Variants in PIEZO2 observed in about 807,000 individuals in gnomAD.
PIEZO2 encodes the protein piezo-type mechanosensitive ion channel component 2.
PIEZO2 carries 172 observed loss-of-function variants against 337.3 expected under a neutral mutation model. That is an observed-to-expected ratio of 0.51 (90% CI 0.45 to 0.58). The LOEUF is 0.58. Ranked by LOEUF, PIEZO2 falls within the 20% of genes least tolerant of loss-of-function variation. The probability of loss-of-function intolerance (pLI) is 0.00; values close to 1 mark genes in which losing one functional copy is unlikely to be tolerated. For missense variants in PIEZO2, 3,028 were observed against 3,391.3 expected, an observed-to-expected ratio of 0.89 and a Z score of 2.66; for synonymous variants, 1,251 against 1,228.5, an observed-to-expected ratio of 1.02 and a Z score of -0.38.
intron 9 of PIEZO2, among the ~76,000 whole-genome samples, 177 bp from the exon 10 acceptor site, chr18:10,801,605 T>C (rs183344704): frequency 3.5e-4 from 54 of 152,318 alleles, no homozygotes; most frequent in East Asian, 9.6e-4. Flanking sequence ...GATGCTGCTG[T>C]TTATGACAAC....
At chr18:10,679,922 A>G (rs1227568222) in intron 52 of PIEZO2, among the ~76,000 whole-genome samples, 1 of 152,250 alleles carries the variant, frequency 6.6e-6, no homozygotes, top group Non-Finnish European at 1.5e-5. Context: ...AACAACAACA[A>G]AAACCCCAAA....
Position 10,982,425 on chromosome 18 carries a change from A to G in PIEZO2, c.161-2765T>C. On this transcript the variant is annotated intron_variant, in intron 2 of 55. Transcript: ENST00000674853. The surrounding 1 kb of genome is among the most constrained non-coding windows in gnomAD (Gnocchi z 4.1). ...ATAAATAAGTGAAGAGATCTGTTAC[A>G]TGCATGAATGAGGTGACTCAATATG... 6.6e-6 allele frequency among the ~76,000 whole-genome samples: 1 copy of G among 152,220 alleles called. No individual in the cohort carries two copies. Among genetic ancestry groups the G allele is most frequent in the East Asian group, 1.9e-4 (1 of 5,194 alleles).
In PIEZO2 at chr18:10,953,600, T is replaced by C. The variant is rs939282210; in HGVS notation, c.286+25935A>G. Among the ~76,000 whole-genome samples the C allele has an allele frequency of 6.6e-6, 1 of 152,166 alleles. No individual in the cohort carries two copies. Among genetic ancestry groups the C allele is most frequent in the African/African-American group, 2.4e-5 (1 of 41,432 alleles). On this transcript the variant is annotated intron_variant, in intron 3 of 55. Coordinates refer to ENST00000674853, the MANE Select transcript of PIEZO2 (RefSeq NM_001378183.1). This position sits in a 1 kb window ranked among gnomAD's most constrained non-coding sequence, Gnocchi z 5.2. ...TTTTTTTCCTTCACCAATAGCAAAC[T>C]GGCTTGATTACTGTGGTTTTATAGT...
At chr18:11,013,636 G>A (rs563357658) in intron 2 of PIEZO2, among the ~76,000 whole-genome samples, 11 of 152,230 alleles carry the variant, frequency 7.2e-5, no homozygotes, top group East Asian at 1.9e-4. Context: ...TGGACCAGCC[G>A]CTGCTCCTAC....
intron 3 of PIEZO2, among the ~76,000 whole-genome samples, chr18:10,950,551 G>A (rs1054820354): frequency 1.3e-5 from 2 of 152,200 alleles, no homozygotes; most frequent in African/African-American, 2.4e-5. Context: ...TCCAACTAGG[G>A]AACGAGAAAA....
rs192192965 is a variant in PIEZO2, at chr18:11,042,200, C to T, written c.160+23927G>A. On this transcript the variant is annotated intron_variant, in intron 2 of 55. Transcript: ENST00000674853. ...TGCCAATGAAAAACACTAAGAAATC[C>T]GCCTGTAAAGATGACTTCTCAGAGG... 1.2e-4 allele frequency among the ~76,000 whole-genome samples: 19 copies of T among 152,250 alleles called. No individual in the cohort carries two copies. The East Asian group carries it at 1.9e-3, about 15-fold the overall frequency.
intron 3 of PIEZO2, among the ~76,000 whole-genome samples, chr18:10,968,231 T>C (rs1459370028): frequency 6.6e-6 from 1 of 152,226 alleles, no homozygotes; most frequent in Non-Finnish European, 1.5e-5. Flanking sequence ...TATGTTCTTG[T>C]TTGCTTTATC....
rs1274019731 is a variant in PIEZO2, at chr18:10,787,039, T to C, written c.2315A>G (p.Glu772Gly). The change falls in exon 16 of 56, where the codon GAA becomes GGA. Residue 772 changes from glutamate (E) to glycine (G), a missense_variant. Glu to Gly is a moderately conservative substitution (Grantham distance 98). Around this residue, in one of 5 missense-constraint regions of PIEZO2, gnomAD observed 1,925 missense variants for 2,051.9 expected, o/e 0.94. Coordinates refer to ENST00000674853, the MANE Select transcript of PIEZO2 (RefSeq NM_001378183.1). ...LWQNMTGLKK[E>G]KLEDLGLKQF... Reference sequence around the variant, plus strand: ...TTTTCAACTCAAAATCACTTACTTTTCTTTTTTCAGTCCAGTCATATTTTG... The same window carrying C: ...TTTTCAACTCAAAATCACTTACTTTCCTTTTTTCAGTCCAGTCATATTTTG... 3.3e-6 allele frequency: 5 copies of C among 1,529,674 alleles called. No individual in the cohort carries two copies. The highest frequency in any genetic ancestry group is 4.4e-6 in the Non-Finnish European group (5 of 1,143,470). 94.8% of individuals were successfully genotyped at this position (1,529,674 alleles called of 1,614,324 possible).
At chr18:10,864,910 G>A (rs1005448516) in intron 5 of PIEZO2, among the ~76,000 whole-genome samples, 4 of 152,146 alleles carry the variant, frequency 2.6e-5, no homozygotes, top group African/African-American at 7.2e-5. Context: ...GGACAAGAGT[G>A]GGGAGAAGAG....
intron 27 of PIEZO2, among the ~76,000 whole-genome samples, chr18:10,754,820 G>A (rs192433151): frequency 1.5e-4 from 23 of 152,220 alleles, no homozygotes; most frequent in Admixed American, 8.5e-4. Flanking sequence ...GCACTTAAGC[G>A]CATAAACATT....
intron 36 of PIEZO2, among the ~76,000 whole-genome samples, 192 bp downstream of exon 36, chr18:10,731,215 A>ATATATATATC (rs1290190163): frequency 2.3e-5 from 3 of 128,740 alleles, no homozygotes; most frequent in African/African-American, 5.9e-5. Flanking sequence ...ATATATATAT[A>ATATATATATC]TATCTCCTAA....
chr18:10,829,888 T>C lies in PIEZO2; in HGVS notation c.918-22614A>G, dbSNP rs371895861. On this transcript the variant is annotated intron_variant, in intron 7 of 55. Coordinates refer to ENST00000674853, the MANE Select transcript of PIEZO2 (RefSeq NM_001378183.1). ...TACCCAAAGCAATCTACAGATTCAG[T>C]GCAATCCATATAAAAATAGTAATGA... 6.6e-5 allele frequency among the ~76,000 whole-genome samples: 10 copies of C among 151,576 alleles called. No homozygotes were observed. The South Asian group carries it at 2.1e-3, about 32-fold the overall frequency.
chr18:10,793,258 CA>C (rs571365611), intron 13 of PIEZO2, among the ~76,000 whole-genome samples: 67 of 144,494 alleles, frequency 4.6e-4, no homozygotes, highest in South Asian at 8.7e-4. Flanking sequence ...AACTCCGTCT[CA>C]AAAAAAAAAA....
In PIEZO2 at chr18:10,954,345, T is replaced by C. The variant is rs1416986572; in HGVS notation, c.286+25190A>G. On this transcript the variant is annotated intron_variant, in intron 3 of 55. Transcript: ENST00000674853. This position sits in a 1 kb window ranked among gnomAD's most constrained non-coding sequence, Gnocchi z 4.2. ...TCTCTGCATTTATTTAGGGTTTGTT[T>C]CATTTATTTCTGCAGCATATGGGTC... Among the ~76,000 whole-genome samples, 1 of 152,232 alleles carries C rather than the reference T, an allele frequency of 6.6e-6. No homozygotes were observed. Among genetic ancestry groups the C allele is most frequent in the Non-Finnish European group, 1.5e-5 (1 of 68,036 alleles).
At chr18:10,827,609 G>T (rs1483593416) in intron 7 of PIEZO2, among the ~76,000 whole-genome samples, 5 of 152,098 alleles carry the variant, frequency 3.3e-5, no homozygotes, top group Non-Finnish European at 7.4e-5. Context: ...GGCTTACAAA[G>T]ACAGTTTTTG....
intron 13 of PIEZO2, among the ~76,000 whole-genome samples, chr18:10,792,883 A>G (rs9951332): frequency 0.17 from 25,643 of 152,160 alleles, 2,486 homozygotes; most frequent in East Asian, 0.39. Flanking sequence ...ACCATTTTAC[A>G]TTCCCACCAG....
chr18:10,715,269 C>A (rs2035968469), intron 38 of PIEZO2, among the ~76,000 whole-genome samples: 1 of 152,086 alleles, frequency 6.6e-6, no homozygotes. Flanking sequence ...TTAGATCAAA[C>A]TTTCCAGACT....
intron 2 of PIEZO2, among the ~76,000 whole-genome samples, chr18:11,011,302 T>C (rs958883776): frequency 2.0e-5 from 3 of 152,260 alleles, no homozygotes; most frequent in Non-Finnish European, 4.4e-5. Context: ...ATATTGCCAA[T>C]AATTAAAAAA....
intron 2 of PIEZO2, among the ~76,000 whole-genome samples, chr18:11,029,329 C>G (rs2036648133): frequency 6.6e-6 from 1 of 152,198 alleles, no homozygotes; most frequent in African/African-American, 2.4e-5. Context: ...TCCTTAATTT[C>G]TCCCAGTGCC....
Sources: gnomAD v4.1 joint callset for allele counts (sites outside exome capture counted in the v4.1 genomes callset) on GRCh38, gnomAD v4.1.1 for gene constraint, gnomAD v4.1.1 regional missense constraint, Gnocchi (gnomAD v3.1) non-coding constraint, MANE v1.5 for transcripts, NCBI Gene and HGNC (gene_info 2026-07-23, HGNC 2026-07-21) for gene names.